The following ZSCAN20 variants were observed in gnomAD, a reference collection of about 807,000 sequenced individuals.
ZSCAN20 encodes zinc finger and SCAN domain-containing protein 20.
Under a neutral mutation model 97.1 loss-of-function variants are expected in ZSCAN20, and 39 were observed. The observed-to-expected ratio is 0.40, with a 90% CI of 0.31 to 0.52. ZSCAN20 has a LOEUF of 0.52. Ranked by LOEUF, ZSCAN20 falls within the 20% of genes least tolerant of loss-of-function variation. ZSCAN20 has a pLI of 0.49. For synonymous variants in ZSCAN20, 456 were observed against 467.3 expected, an observed-to-expected ratio of 0.98 and a Z score of 0.31; for missense variants, 1,115 against 1,290.4, an observed-to-expected ratio of 0.86 and a Z score of 2.08.
In ZSCAN20 at chr1:33,500,603, T is replaced by C. The variant is rs1976259; in HGVS notation, c.*5127T>C. 0.77 allele frequency among the ~76,000 whole-genome samples: 116,113 copies of C among 151,202 alleles called. 44,909 individuals carry two copies. The highest frequency in any genetic ancestry group is 0.82 in the African/African-American group (33,879 of 41,178). On this transcript the variant is annotated 3_prime_UTR_variant, in exon 8 of 8. Coordinates refer to ENST00000684572, the MANE Select transcript of ZSCAN20 (RefSeq NM_001377376.1). The stretch of plus-strand genomic sequence containing the variant: ...ATGAGGGCGCTGTTGGTGATTCTTT[T>C]TGTGTGTAAAGATGCTTCTGATCAT...
rs1228098164 is a variant in ZSCAN20, at chr1:33,500,438, C to CA, written c.*4965dup. ...GTGTGTGTTTGGTTCCCCCACTTCT[C>CA]AAAGCTGAGAGCTTCTTTGTTTTAA... On this transcript the variant is annotated 3_prime_UTR_variant, in exon 8 of 8. Coordinates refer to ENST00000684572, the MANE Select transcript of ZSCAN20 (RefSeq NM_001377376.1). Among the ~76,000 whole-genome samples the CA allele has an allele frequency of 6.6e-6, 1 of 152,072 alleles. No homozygotes were observed.
chr1:33,494,826 G>A lies in ZSCAN20; in HGVS notation c.2482G>A (p.Gly828Arg). Residue 828 changes from glycine (G) to arginine (R), a missense_variant, in exon 8 of 8, where the codon GGG becomes AGG. By Grantham distance (125) the Gly-to-Arg change is moderately radical. Coordinates refer to ENST00000684572, the MANE Select transcript of ZSCAN20 (RefSeq NM_001377376.1). ...AAATCCTGACCAGTGTAGTGAGCCT[G>A]GGGGAAACTTTGCCCAAAGCCCATC... ...GGNPDQCSEP[G>R]GNFAQSPSFS... 1 of 1,614,176 alleles carries A rather than the reference G, an allele frequency of 6.2e-7. No homozygotes were observed. Among genetic ancestry groups the A allele is most frequent in the Non-Finnish European group, 8.5e-7 (1 of 1,180,032 alleles).
In ZSCAN20 at chr1:33,495,368, C is replaced by T; in HGVS notation, c.3024C>T (p.Ile1008=). 6.2e-7 allele frequency: 1 copy of T among 1,612,864 alleles called. No individual in the cohort carries two copies. The highest frequency in any genetic ancestry group is 8.5e-7 in the Non-Finnish European group (1 of 1,179,300). Residue 1008 remains isoleucine, a synonymous_variant, in exon 8 of 8, where the codon ATC becomes ATT. Transcript: ENST00000684572. The part of the protein sequence containing the change: ...QSSSLIIHQR[I]HTGEKPYKCT... ...CCAGTCTTATTATTCACCAGAGAAT[C>T]CACACAGGGGAGAAACCCTACAAGT...
At chr1:33,490,965 T>A in intron 5 of ZSCAN20, 60 bp from the exon 6 acceptor site, 2 of 1,476,972 alleles carry the variant, frequency 1.4e-6, no homozygotes, top group Admixed American at 4.6e-5. Context: ...CAGGGAGATT[T>A]TGGACAAACA....
chr1:33,481,633 C>T (rs1198046472), intron 2 of ZSCAN20, among the ~76,000 whole-genome samples: 4 of 152,020 alleles, frequency 2.6e-5, no homozygotes, highest in Admixed American at 2.0e-4. Context: ...GTTGCATTCT[C>T]TGCAAGTAAA....
intron 1 of ZSCAN20, among the ~76,000 whole-genome samples, chr1:33,478,369 A>G (rs1430222640): frequency 3.3e-5 from 5 of 152,070 alleles, no homozygotes; most frequent in African/African-American, 1.2e-4. Context: ...ATCTTAGAGA[A>G]TGATGATGAC....
Position 33,499,109 on chromosome 1 carries a change from C to T in ZSCAN20, c.*3633C>T, listed in dbSNP as rs1398866333. ...CGTCCTGCCTCATCTTGTTCTGGGG[C>T]CCCCAGTGGGGATAGCTCTCTGCTT... On this transcript the variant is annotated 3_prime_UTR_variant, in exon 8 of 8. Transcript: ENST00000684572. 6.6e-6 allele frequency among the ~76,000 whole-genome samples: 1 copy of T among 152,160 alleles called. No homozygotes were observed. Among genetic ancestry groups the T allele is most frequent in the Non-Finnish European group, 1.5e-5 (1 of 68,020 alleles).
rs1372323956 is a variant in ZSCAN20, at chr1:33,497,686, G to A, written c.*2210G>A. On this transcript the variant is annotated 3_prime_UTR_variant, in exon 8 of 8. Coordinates refer to ENST00000684572, the MANE Select transcript of ZSCAN20 (RefSeq NM_001377376.1). The stretch of plus-strand genomic sequence containing the variant: ...GTTGTGGTATTTCAGCTAAAGGCTA[G>A]GGTCTGAACTAGAGCAGTGGTGACA... Among the ~76,000 whole-genome samples the A allele has an allele frequency of 6.6e-6, 1 of 152,082 alleles. No individual in the cohort carries two copies. The highest frequency in any genetic ancestry group is 1.5e-5 in the Non-Finnish European group (1 of 67,932).
chr1:33,493,567 G>A lies in ZSCAN20; in HGVS notation c.1825G>A (p.Glu609Lys), dbSNP rs768871221. 1.2e-6 allele frequency: 2 copies of A among 1,608,094 alleles called. No homozygotes were observed. The highest frequency in any genetic ancestry group is 2.7e-5 in the African/African-American group (2 of 74,764). Residue 609 changes from glutamate (E) to lysine (K), a missense_variant, in exon 7 of 8, where the codon GAA becomes AAA. By Grantham distance (56) the Glu-to-Lys change is moderately conservative. Transcript: ENST00000684572. This position sits in a 1 kb window ranked among gnomAD's most constrained non-coding sequence, Gnocchi z 4.3. ...GGAGGCCTGGGGTGAAGTGGCCAAT[G>A]AAGATGCTGTCAAACCTTCAACCTT... is the stretch of plus-strand genomic sequence containing the variant. ...AQEAWGEVAN[E>K]DAVKPSTLCP...
chr1:33,499,711 C>G lies in ZSCAN20; in HGVS notation c.*4235C>G, dbSNP rs1652996530. ...ACCCAGCTGCCTGAGAGGTCTCTTT[C>G]TGAATGAAGTCAATATCTAAAGTCA... is the stretch of plus-strand genomic sequence containing the variant. On this transcript the variant is annotated 3_prime_UTR_variant, in exon 8 of 8. Transcript: ENST00000684572. 6.6e-6 allele frequency among the ~76,000 whole-genome samples: 1 copy of G among 152,206 alleles called. No individual in the cohort carries two copies. Among genetic ancestry groups the G allele is most frequent in the African/African-American group, 2.4e-5 (1 of 41,452 alleles).
intron 1 of ZSCAN20, among the ~76,000 whole-genome samples, chr1:33,474,642 A>G (rs895797613): frequency 1.3e-5 from 2 of 152,272 alleles, no homozygotes; most frequent in African/African-American, 4.8e-5. Flanking sequence ...TGGCAAAGCG[A>G]CAGCCCATGC....
rs778462399 is a variant in ZSCAN20 at position 33,493,265 on chromosome 1, G to A, written c.1523G>A (p.Arg508His). The stretch of plus-strand genomic sequence containing the variant: ...GAGTCCCCATTCTCGGAAAAGCTTC[G>A]TACCTGTCACCAGAACAGCCAGGTG... ...LSESPFSEKL[R>H]TCHQNSQVYR... The change falls in exon 7 of 8, where the codon CGT becomes CAT. Residue 508 changes from arginine to histidine, a missense_variant. Arg to His is a conservative substitution (Grantham distance 29). Transcript: ENST00000684572. The surrounding 1 kb of genome is among the most constrained non-coding windows in gnomAD (Gnocchi z 4.3). 31 of 1,614,034 alleles carry A rather than the reference G, an allele frequency of 1.9e-5. No homozygotes were observed. The highest frequency in any genetic ancestry group is 1.2e-4 in the Admixed American group (7 of 60,000).
At position 33,495,529 on chromosome 1, in the gene ZSCAN20, T is replaced by C. The variant is rs1310361074; in HGVS notation, c.*53T>C. ...GACTCAATGTATATATCTTATATCA[T>C]AAGATGTATGCTAGAGATAAACTTT... On this transcript the variant is annotated 3_prime_UTR_variant, in exon 8 of 8. Coordinates refer to ENST00000684572, the MANE Select transcript of ZSCAN20 (RefSeq NM_001377376.1). The C allele has an allele frequency of 8.5e-6, 12 of 1,411,744 alleles. No homozygotes were observed. The Admixed American group carries it at 3.1e-4, about 36-fold the overall frequency. 87.5% of individuals were successfully genotyped at this position (1,411,744 alleles called of 1,614,324 possible). A position where few individuals can be genotyped will look rare whatever the true frequency, so the allele number is the denominator to read the frequency against.
Position 33,493,564 on chromosome 1 carries a change from A to G in ZSCAN20, c.1822A>G (p.Asn608Asp), listed in dbSNP as rs1053993558. 4 of 1,608,648 alleles carry G rather than the reference A, an allele frequency of 2.5e-6. No individual in the cohort carries two copies. The African/African-American group carries it at 5.4e-5, about 22-fold the overall frequency. Residue 608 changes from asparagine (N) to aspartate (D), a missense_variant, in exon 7 of 8, where the codon AAT (asparagine) becomes GAT (aspartate). Physicochemically the swap from Asn to Asp is conservative, Grantham distance 23. Coordinates refer to ENST00000684572, the MANE Select transcript of ZSCAN20 (RefSeq NM_001377376.1). The surrounding 1 kb of genome is among the most constrained non-coding windows in gnomAD (Gnocchi z 4.3). ...CCAGGAGGCCTGGGGTGAAGTGGCC[A>G]ATGAAGATGCTGTCAAACCTTCAAC... ...DAQEAWGEVANEDAVKPSTLC... is the reference protein window; with the variant it reads ...DAQEAWGEVADEDAVKPSTLC...
intron 2 of ZSCAN20, among the ~76,000 whole-genome samples, chr1:33,480,437 CA>C (rs1001620163): frequency 6.6e-6 from 1 of 152,178 alleles, no homozygotes; most frequent in Non-Finnish European, 1.5e-5. Context: ...CCTTAGGTTC[CA>C]AGGTCATTGT....
rs559907394 is a variant in ZSCAN20, at chr1:33,495,229, T to A, written c.2885T>A (p.Leu962His). ...VHTGEKPYKC[L>H]ECGKFFRDRS... is the part of the protein sequence containing the mutation. ...ACAGGAGAGAAGCCCTACAAATGCC[T>A]TGAGTGTGGAAAATTCTTCCGTGAC... The change falls in exon 8 of 8, where the codon CTT becomes CAT. Residue 962 changes from leucine (L) to histidine (H), a missense_variant. By Grantham distance (99) the Leu-to-His change is moderately conservative (BLOSUM62 -3). This residue lies in a region of ZSCAN20 where 554 missense variants were observed against 584.9 expected (regional missense o/e 0.95). Coordinates refer to ENST00000684572, the MANE Select transcript of ZSCAN20 (RefSeq NM_001377376.1). 7 of 1,613,300 alleles carry A rather than the reference T, an allele frequency of 4.3e-6. No homozygotes were observed. Among genetic ancestry groups the A allele is most frequent in the Non-Finnish European group, 5.1e-6 (6 of 1,179,634 alleles).
rs1323914242 is a variant in ZSCAN20 at position 33,496,328 on chromosome 1, T to C, written c.*852T>C. 6.6e-6 allele frequency: 1 copy of C among 152,192 alleles called. No homozygotes were observed. The highest frequency in any genetic ancestry group is 1.5e-5 in the Non-Finnish European group (1 of 68,034). The allele number at this position is 152,192 out of a possible 1,614,324, so 9.4% of individuals were successfully genotyped here. On this transcript the variant is annotated 3_prime_UTR_variant, in exon 8 of 8. Coordinates refer to ENST00000684572, the MANE Select transcript of ZSCAN20 (RefSeq NM_001377376.1). ...ATTTCCTGTTATGAAATTTCCACAT[T>C]TTGAATTTTTTAAACAAATATGGAA... is the stretch of plus-strand genomic sequence containing the variant.
chr1:33,494,181 G>T, intron 7 of ZSCAN20, 37 bp from the exon 8 acceptor site: 1 of 1,527,276 alleles, frequency 6.5e-7, no homozygotes, highest in South Asian at 1.3e-5. Flanking sequence ...GCGCGCTAAT[G>T]AGTGAAGAAA....
chr1:33,480,172 A>G (rs1259414402), intron 2 of ZSCAN20, among the ~76,000 whole-genome samples: 1 of 152,236 alleles, frequency 6.6e-6, no homozygotes, highest in Non-Finnish European at 1.5e-5. Flanking sequence ...ATGTAGGTAG[A>G]CAGAAATAGT....
Sources: gnomAD v4.1 joint callset for allele counts (sites outside exome capture counted in the v4.1 genomes callset) on GRCh38, gnomAD v4.1.1 for gene constraint, gnomAD v4.1.1 regional missense constraint, Gnocchi (gnomAD v3.1) non-coding constraint, MANE v1.5 for transcripts, NCBI Gene and HGNC (gene_info 2026-07-23, HGNC 2026-07-21) for gene names.